CCDC124: variants seen among roughly 807,000 people sequenced by gnomAD.
CCDC124 encodes the protein coiled-coil domain containing 124.
CCDC124 carries 9 observed loss-of-function variants against 19.8 expected under a neutral mutation model. That is an observed-to-expected ratio of 0.45 (90% CI 0.27 to 0.79). The LOEUF (loss-of-function observed/expected upper bound fraction) is 0.79, where lower values mean the gene tolerates loss of function less well. Among genes scored for constraint, CCDC124 ranks in the 30% least tolerant of loss-of-function variants. The probability of loss-of-function intolerance (pLI) is 0.14; values close to 1 mark genes in which losing one functional copy is unlikely to be tolerated. For missense variants in CCDC124, 285 were observed against 319.0 expected (o/e 0.89, Z 0.81); for synonymous variants, 126 against 131.3 (o/e 0.96, Z 0.27).
At chr19:17,940,349 C>T (rs1221709025) in intron 2 of CCDC124, among the ~76,000 whole-genome samples, 1 of 152,056 alleles carries the variant, frequency 6.6e-6, no homozygotes, top group Admixed American at 6.6e-5. Context: ...GCAATTGGGG[C>T]CAGGTGGTGA....
In CCDC124 at chr19:17,943,872, C is replaced by T. The variant is rs1000478939; in HGVS notation, c.*157C>T. ...TTATCACCAGCCACCCGTCCTCCCG[C>T]CAGAGGGTCCCTGCCCCGAGTGACA... On this transcript the variant is annotated 3_prime_UTR_variant, in exon 5 of 5. Coordinates refer to ENST00000445755, the MANE Select transcript of CCDC124 (RefSeq NM_001136203.2). 5.8e-6 allele frequency: 4 copies of T among 685,716 alleles called. No homozygotes were observed. The highest frequency in any genetic ancestry group is 5.4e-5 in the African/African-American group (3 of 55,476). 42.5% of individuals were successfully genotyped at this position (685,716 alleles called of 1,614,324 possible).
rs1014307172 is a variant in CCDC124, at chr19:17,943,919, G to A, written c.*204G>A. On this transcript the variant is annotated 3_prime_UTR_variant, in exon 5 of 5. Transcript: ENST00000445755. ...GACACCCCATCCCCTCCCATCCCCC[G>A]GCGCGTGTGTGTAGAGCCTCAGGGC... 6.6e-6 allele frequency: 4 copies of A among 601,906 alleles called. No individual in the cohort carries two copies. Among genetic ancestry groups the A allele is most frequent in the Non-Finnish European group, 1.2e-5 (4 of 339,792 alleles). The allele number at this position is 601,906 out of a possible 1,614,324, so 37.3% of individuals were successfully genotyped here.
At position 17,933,052 on chromosome 19, in the gene CCDC124, G is replaced by A. The variant is rs551546543; in HGVS notation, c.-12+4G>A. The A allele has an allele frequency of 6.6e-6, 1 of 152,540 alleles. No homozygotes were observed. The highest frequency in any genetic ancestry group is 2.4e-5 in the African/African-American group (1 of 41,464). 9.4% of individuals were successfully genotyped at this position (152,540 alleles called of 1,614,324 possible). On this transcript the variant is annotated splice_donor_region_variant and intron_variant, in intron 1 of 4. Transcript: ENST00000445755. Reference sequence around the variant, plus strand: ...GGGCCGGCGCTGGGGTAAGAAGGTAGGAGCGTCTGCGGCGCGGGCGGAACC... The same window carrying A: ...GGGCCGGCGCTGGGGTAAGAAGGTAAGAGCGTCTGCGGCGCGGGCGGAACC...
At position 17,943,724 on chromosome 19, in the gene CCDC124, C is replaced by A; in HGVS notation, c.*9C>A. On this transcript the variant is annotated 3_prime_UTR_variant, in exon 5 of 5. Coordinates refer to ENST00000445755, the MANE Select transcript of CCDC124 (RefSeq NM_001136203.2). ...TCAATGCCCCCAAGTGAGCCCAGAACTTGGGGAGCCAGTTCACCCACGGGT... is the reference window on the plus strand; with the variant it reads ...TCAATGCCCCCAAGTGAGCCCAGAAATTGGGGAGCCAGTTCACCCACGGGT... 1 of 1,611,058 alleles carries A rather than the reference C, an allele frequency of 6.2e-7. No homozygotes were observed. Among genetic ancestry groups the A allele is most frequent in the Non-Finnish European group, 8.5e-7 (1 of 1,178,936 alleles).
chr19:17,938,554 TG>T (rs996224627), intron 2 of CCDC124, among the ~76,000 whole-genome samples: 2 of 152,138 alleles, frequency 1.3e-5, no homozygotes, highest in Non-Finnish European at 2.9e-5. Flanking sequence ...GCCCAGTTCT[TG>T]GGGGGAATCT....
At chr19:17,939,036 G>GA (rs1283698270) in intron 2 of CCDC124, among the ~76,000 whole-genome samples, 1 of 152,066 alleles carries the variant, frequency 6.6e-6, no homozygotes, top group East Asian at 1.9e-4. Flanking sequence ...GGGGTTGGGG[G>GA]ATCATCAAAA....
rs564155220 is a variant in CCDC124, at chr19:17,943,468, G to T, written c.465-40G>T. 3 of 1,596,312 alleles carry T rather than the reference G, an allele frequency of 1.9e-6. No homozygotes were observed. In the East Asian group the frequency reaches 6.7e-5, roughly 36 times the overall value. On this transcript the variant is annotated intron_variant, in intron 4 of 4. Coordinates refer to ENST00000445755, the MANE Select transcript of CCDC124 (RefSeq NM_001136203.2). ...GCGGGGCCGGGCTTTTCGGGGCAAG[G>T]CTGCGCCCAAGGCCCCCTGACGCTC...
In CCDC124 at chr19:17,942,880, G is replaced by A. The variant is rs1479484942; in HGVS notation, c.349+35G>A. On this transcript the variant is annotated intron_variant, in intron 3 of 4. Transcript: ENST00000445755. The surrounding 1 kb of genome is among the most constrained non-coding windows in gnomAD (Gnocchi z 4.2). ...CATCCCGCTCTGGAGCTGCACTTTTGCCCACTGCAGAGGCAGTGGACCTTG... is the reference window on the plus strand; with the variant it reads ...CATCCCGCTCTGGAGCTGCACTTTTACCCACTGCAGAGGCAGTGGACCTTG... The A allele has an allele frequency of 4.1e-6, 6 of 1,473,152 alleles. No individual in the cohort carries two copies. The highest frequency in any genetic ancestry group is 5.4e-6 in the Non-Finnish European group (6 of 1,113,104). The allele number at this position is 1,473,152 out of a possible 1,614,324, so 91.3% of individuals were successfully genotyped here.
Position 17,942,956 on chromosome 19 carries a change from G to A in CCDC124, c.349+111G>A, listed in dbSNP as rs954000589. ...CAGAGAAGCTGCCGGGGCTCCACGTGGTGCAGGGTGGGTGGGTAGGCCGCC... is the reference window on the plus strand; with the variant it reads ...CAGAGAAGCTGCCGGGGCTCCACGTAGTGCAGGGTGGGTGGGTAGGCCGCC... On this transcript the variant is annotated intron_variant, in intron 3 of 4. Transcript: ENST00000445755. The surrounding 1 kb of genome is among the most constrained non-coding windows in gnomAD (Gnocchi z 4.2). 1.5e-6 allele frequency: 2 copies of A among 1,309,956 alleles called. No individual in the cohort carries two copies. Among genetic ancestry groups the A allele is most frequent in the East Asian group, 2.5e-5 (1 of 39,590 alleles). 81.1% of individuals were successfully genotyped at this position (1,309,956 alleles called of 1,614,324 possible). A position where few individuals can be genotyped will look rare whatever the true frequency, so the allele number is the denominator to read the frequency against.
rs556236457 is a variant in CCDC124 at position 17,937,641 on chromosome 19, T to C, written c.159+1062T>C. On this transcript the variant is annotated intron_variant, in intron 2 of 4. Transcript: ENST00000445755. ...CAGCAAAGAATGAGCCAGCCCCAGATGTCAGCAGTGCTGAGGCTGAGAAAC... is the reference window on the plus strand; with the variant it reads ...CAGCAAAGAATGAGCCAGCCCCAGACGTCAGCAGTGCTGAGGCTGAGAAAC... Among the ~76,000 whole-genome samples, 8 of 152,238 alleles carry C rather than the reference T, an allele frequency of 5.3e-5. No individual in the cohort carries two copies. In the East Asian group the frequency reaches 1.5e-3, roughly 29 times the overall value.
At position 17,942,430 on chromosome 19, in the gene CCDC124, G is replaced by A. The variant is rs185693289; in HGVS notation, c.160-226G>A. ...TGGCCGGCGCTCTTCGCACCTAGGA[G>A]CGTCACTTCTTCAAGAGCCACCCAC... is the stretch of plus-strand genomic sequence containing the variant. On this transcript the variant is annotated intron_variant, in intron 2 of 4. Coordinates refer to ENST00000445755, the MANE Select transcript of CCDC124 (RefSeq NM_001136203.2). This position sits in a 1 kb window ranked among gnomAD's most constrained non-coding sequence, Gnocchi z 4.2. Among the ~76,000 whole-genome samples the A allele has an allele frequency of 4.7e-4, 71 of 152,278 alleles. 1 individual carries two copies. Among genetic ancestry groups the A allele is most frequent in the Middle Eastern group, 3.4e-3 (1 of 294 alleles).
chr19:17,937,302 C>T (rs961307925), intron 2 of CCDC124, among the ~76,000 whole-genome samples: 4 of 151,914 alleles, frequency 2.6e-5, no homozygotes, highest in Non-Finnish European at 5.9e-5. Flanking sequence ...AGCAAAATGC[C>T]AGGAGGCACT....
chr19:17,936,792 C>T (rs1414850952), intron 2 of CCDC124: 2 of 514,848 alleles, frequency 3.9e-6, no homozygotes, highest in Non-Finnish European at 6.8e-6. Context: ...ATCAGCCTGG[C>T]CAACATGATG....
At position 17,937,435 on chromosome 19, in the gene CCDC124, G is replaced by A. The variant is rs185769947; in HGVS notation, c.159+856G>A. Among the ~76,000 whole-genome samples the A allele has an allele frequency of 3.0e-3, 450 of 152,268 alleles. 1 individual carries two copies. The highest frequency in any genetic ancestry group is 0.01 in the African/African-American group (434 of 41,542). On this transcript the variant is annotated intron_variant, in intron 2 of 4. Transcript: ENST00000445755. ...CTCTCTGTGGATGTTTCTCTCCTTT[G>A]AGTAATGTCAGGGTTGGGCTAGATG...
chr19:17,936,228 G>T, intron 1 of CCDC124, 182 bp from the exon 2 acceptor site: 1 of 554,300 alleles, frequency 1.8e-6, no homozygotes, highest in Non-Finnish European at 3.2e-6. Flanking sequence ...TTGGTGTCAT[G>T]ATGTGAATTT....
intron 1 of CCDC124, 85 bp from the exon 2 acceptor site, chr19:17,936,325 T>G: frequency 8.5e-7 from 1 of 1,179,540 alleles, no homozygotes; most frequent in Admixed American, 2.5e-5. Context: ...AAGAGGGTCA[T>G]GGCTGCCCAA....
intron 2 of CCDC124, 133 bp downstream of exon 2, chr19:17,936,712 C>T (rs12151269): frequency 0.26 from 295,927 of 1,144,638 alleles, 39,605 homozygotes; most frequent in East Asian, 0.37. Flanking sequence ...CAGGCGCTGT[C>T]GCTCACGCCT....
At position 17,942,030 on chromosome 19, in the gene CCDC124, T is replaced by G; in HGVS notation, c.160-626T>G. On this transcript the variant is annotated intron_variant, in intron 2 of 4. Coordinates refer to ENST00000445755, the MANE Select transcript of CCDC124 (RefSeq NM_001136203.2). The surrounding 1 kb of genome is among the most constrained non-coding windows in gnomAD (Gnocchi z 4.2). ...CCGTGCAGGCCAGGGCAAGGGCAAG[T>G]CCCGTAGCCCAGATGTCCCTCATCC... 6.6e-6 allele frequency among the ~76,000 whole-genome samples: 1 copy of G among 152,140 alleles called. No individual in the cohort carries two copies. Among genetic ancestry groups the G allele is most frequent in the Non-Finnish European group, 1.5e-5 (1 of 67,958 alleles).
At position 17,943,342 on chromosome 19, in the gene CCDC124, C is replaced by T. The variant is rs2031233561; in HGVS notation, c.431C>T (p.Ala144Val). ...GTGCTGGAGGAGGGCAGCGTGGAGG[C>T]GCGCACCATCGAGGACGCCATTGCA... ...RRVLEEGSVE[A>V]RTIEDAIAVL... The change falls in exon 4 of 5, where the codon GCG (alanine) becomes GTG (valine). Residue 144 changes from alanine to valine, a missense_variant. By Grantham distance (64) the Ala-to-Val change is moderately conservative. Coordinates refer to ENST00000445755, the MANE Select transcript of CCDC124 (RefSeq NM_001136203.2). 4 of 1,368,968 alleles carry T rather than the reference C, an allele frequency of 2.9e-6. No homozygotes were observed. Among genetic ancestry groups the T allele is most frequent in the African/African-American group, 1.7e-5 (1 of 60,042 alleles). The allele number at this position is 1,368,968 out of a possible 1,614,324, so 84.8% of individuals were successfully genotyped here.
Sources: allele counts gnomAD v4.1 joint callset (sites outside exome capture counted in the v4.1 genomes callset), GRCh38; gene constraint gnomAD v4.1.1; non-coding constraint Gnocchi (gnomAD v3.1); transcripts MANE v1.5; gene names NCBI Gene and HGNC (gene_info 2026-07-23, HGNC 2026-07-21).